NCBP2: variants seen among roughly 807,000 people sequenced by gnomAD.
The protein encoded by NCBP2 is nuclear cap-binding protein subunit 2.
In NCBP2, 8 loss-of-function variants were observed where a neutral mutation model predicts 21.5. The ratio of observed to expected loss-of-function variants is 0.37; its 90% confidence interval spans 0.22 to 0.67. The LOEUF (loss-of-function observed/expected upper bound fraction) is 0.67. Among genes scored for constraint, NCBP2 ranks in the 30% least tolerant of loss-of-function variants. NCBP2 has a pLI of 0.56. For missense variants in NCBP2, 127 were observed against 206.9 expected (o/e 0.61, Z 2.37); for synonymous variants, 92 against 75.8 (o/e 1.21, Z -1.11).
intron 1 of NCBP2, chr3:196,941,826 G>C (rs1432157579): frequency 3.1e-6 from 4 of 1,310,724 alleles, no homozygotes; most frequent in Non-Finnish European, 4.2e-6. Context: ...GCAATTCTCC[G>C]ATCTTTACAT....
At position 196,937,489 on chromosome 3, in the gene NCBP2, CCA is replaced by C. The variant is rs1438009242; in HGVS notation, c.399+19_399+20del. 4 of 1,613,270 alleles carry C rather than the reference CCA, an allele frequency of 2.5e-6. No homozygotes were observed. The African/African-American group carries it at 5.3e-5, about 22-fold the overall frequency. ...CTGGAATCCCAGGCAATGGCTGAGC[CCA>C]GAGACCCTTCTTGCATACCTGGCCC... On this transcript the variant is annotated intron_variant, in intron 3 of 3. Coordinates refer to ENST00000321256, the MANE Select transcript of NCBP2 (RefSeq NM_007362.5).
Position 196,936,616 on chromosome 3 carries a change from T to TA in NCBP2, c.*394dup. On this transcript the variant is annotated 3_prime_UTR_variant, in exon 4 of 4. Transcript: ENST00000321256. ...AGGCTATCTCATGCAAACTTAAAAT[T>TA]AAAAAAATAATCCCAGGCCCCAATG... 1 of 175,002 alleles carries TA rather than the reference T, an allele frequency of 5.7e-6. No homozygotes were observed. Among genetic ancestry groups the TA allele is most frequent in the Non-Finnish European group, 1.2e-5 (1 of 81,966 alleles). The allele number at this position is 175,002 out of a possible 1,614,324, so 10.8% of individuals were successfully genotyped here.
chr3:196,937,509 C>A lies in NCBP2; in HGVS notation c.399+1G>T, dbSNP rs1716320222. The A allele has an allele frequency of 6.2e-7, 1 of 1,613,916 alleles. No individual in the cohort carries two copies. Among genetic ancestry groups the A allele is most frequent in the Admixed American group, 1.7e-5 (1 of 60,010 alleles). ...TGAGCCCAGAGACCCTTCTTGCATA[C>A]CTGGCCCCCAGATCGCCCACGGCCG... On this transcript the variant is annotated splice_donor_variant, in intron 3 of 3. Coordinates refer to ENST00000321256, the MANE Select transcript of NCBP2 (RefSeq NM_007362.5). LOFTEE classifies it high-confidence loss of function.
rs965358768 is a variant in NCBP2, at chr3:196,937,399, G to C, written c.399+111C>G. 1.8e-5 allele frequency: 27 copies of C among 1,497,712 alleles called. 2 individuals carry two copies. The Admixed American group carries it at 2.5e-4, about 14-fold the overall frequency. The allele number at this position is 1,497,712 out of a possible 1,614,324, so 92.8% of individuals were successfully genotyped here. ...GGTTTTCAGATCCACTTCAAGCCAAGGTTATAGACACAAAGTTATTTACAA... is the reference window on the plus strand; with the variant it reads ...GGTTTTCAGATCCACTTCAAGCCAACGTTATAGACACAAAGTTATTTACAA... On this transcript the variant is annotated intron_variant, in intron 3 of 3. Transcript: ENST00000321256.
At chr3:196,942,380 C>G (rs759128107) in intron 1 of NCBP2, 46 bp downstream of exon 1, 3 of 1,596,778 alleles carry the variant, frequency 1.9e-6, no homozygotes, top group Non-Finnish European at 1.7e-6. Flanking sequence ...CGTTTCTCAG[C>G]GTTCTTGCCC....
rs773417398 is a variant in NCBP2, at chr3:196,942,492, G to C, written c.12C>G (p.Gly4=). The change falls in exon 1 of 4, where the codon GGC becomes GGG. Residue 4 remains glycine (G), a synonymous_variant. Coordinates refer to ENST00000321256, the MANE Select transcript of NCBP2 (RefSeq NM_007362.5). ...AGTCGCTGCGCAGCGCCTTCAGGAG[G>C]CCACCCGACATAGTGCAGAGAAGCG... The part of the protein sequence containing the change: MSG[G]LLKALRSDSY... 9.9e-6 allele frequency: 16 copies of C among 1,612,900 alleles called. No homozygotes were observed. The highest frequency in any genetic ancestry group is 1.3e-5 in the Non-Finnish European group (15 of 1,179,866).
chr3:196,938,562 T>C (rs1216217496), intron 2 of NCBP2: 10 of 152,170 alleles, frequency 6.6e-5, no homozygotes. Flanking sequence ...TCAAAGTAAA[T>C]AGTTTTGGTT....
At chr3:196,941,713 G>T in intron 1 of NCBP2, 1 of 447,748 alleles carries the variant, frequency 2.2e-6, no homozygotes. Flanking sequence ...CCCTACCTCC[G>T]CTGATACTGA....
Position 196,942,474 on chromosome 3 carries a change from G to A in NCBP2, c.30C>T (p.Arg10=), listed in dbSNP as rs994938987. The A allele has an allele frequency of 2.5e-6, 4 of 1,613,164 alleles. No individual in the cohort carries two copies. Among genetic ancestry groups the A allele is most frequent in the Non-Finnish European group, 3.4e-6 (4 of 1,179,950 alleles). Residue 10 remains arginine (R), a synonymous_variant, in exon 1 of 4, where the codon CGC becomes CGT. Transcript: ENST00000321256. Reference sequence around the variant, plus strand: ...GGCTCAGCTCCACGTAGGAGTCGCTGCGCAGCGCCTTCAGGAGGCCACCCG... The same window carrying A: ...GGCTCAGCTCCACGTAGGAGTCGCTACGCAGCGCCTTCAGGAGGCCACCCG... The part of the protein sequence containing the change: MSGGLLKAL[R]SDSYVELSQY...
intron 1 of NCBP2, chr3:196,941,258 A>G (rs1443551677): frequency 1.3e-5 from 2 of 152,052 alleles, no homozygotes; most frequent in African/African-American, 2.4e-5. Flanking sequence ...ACGCCCGCCT[A>G]ATTTTTGTAT....
In NCBP2 at chr3:196,940,307, G is replaced by A. The variant is rs149907388; in HGVS notation, c.79-875C>T. On this transcript the variant is annotated intron_variant, in intron 1 of 3. Transcript: ENST00000321256. ...GAATCGCTTGAACCTGGGAGGTGGA[G>A]GTTGCAGGGAGCTGAGATTGCACCA... Among the ~76,000 whole-genome samples the A allele has an allele frequency of 3.7e-3, 561 of 152,272 alleles. 9 individuals carry two copies. The highest frequency in any genetic ancestry group is 0.013 in the African/African-American group (543 of 41,552).
In NCBP2 at chr3:196,937,549, C is replaced by T. The variant is rs150046198; in HGVS notation, c.360G>A (p.Lys120=). The T allele has an allele frequency of 1.4e-4, 226 of 1,614,238 alleles. 1 individual carries two copies. Among genetic ancestry groups the T allele is most frequent in the Non-Finnish European group, 2.1e-5 (25 of 1,180,048 alleles). ...GCCCACGGCCGTATTGCCTGCCCTCCTTAAAGCCTGCGTCCCAGTCTGTGC... is the reference window on the plus strand; with the variant it reads ...GCCCACGGCCGTATTGCCTGCCCTCTTTAAAGCCTGCGTCCCAGTCTGTGC... ...IIRTDWDAGF[K]EGRQYGRGRS... Residue 120 remains lysine (K), a synonymous_variant, in exon 3 of 4, where the codon AAG becomes AAA. Coordinates refer to ENST00000321256, the MANE Select transcript of NCBP2 (RefSeq NM_007362.5).
At chr3:196,937,839 T>C in intron 2 of NCBP2, 191 bp from the exon 3 acceptor site, 1 of 619,782 alleles carries the variant, frequency 1.6e-6, no homozygotes, top group Non-Finnish European at 2.8e-6. Context: ...ATGACACGTA[T>C]CCATGGCTAC....
At chr3:196,941,878 C>T in intron 1 of NCBP2, 1 of 1,530,114 alleles carries the variant, frequency 6.5e-7, no homozygotes, top group Non-Finnish European at 8.8e-7. Context: ...GTCCACCTCC[C>T]CACTCCGAAG....
chr3:196,942,286 G>A, intron 1 of NCBP2, 140 bp downstream of exon 1: 1 of 1,508,792 alleles, frequency 6.6e-7, no homozygotes, highest in African/African-American at 1.4e-5. Context: ...CCCATTCCCT[G>A]CCTCGCCAGC....
intron 1 of NCBP2, chr3:196,942,199 G>A: frequency 2.8e-6 from 4 of 1,454,300 alleles, no homozygotes; most frequent in South Asian, 2.9e-5. Flanking sequence ...GGCTGCGAGC[G>A]AATGGGATAA....
intron 2 of NCBP2, chr3:196,938,225 C>A (rs1166654223): frequency 1.3e-5 from 2 of 152,214 alleles, no homozygotes; most frequent in African/African-American, 4.8e-5. Flanking sequence ...AAAATAAAAT[C>A]TCTTTTCATT....
intron 3 of NCBP2, 108 bp downstream of exon 3, chr3:196,937,402 T>A: frequency 6.6e-7 from 1 of 1,520,198 alleles, no homozygotes; most frequent in Admixed American, 2.0e-5. Flanking sequence ...AAGCCAAGGT[T>A]ATAGACACAA....
rs558445172 is a variant in NCBP2, at chr3:196,942,352, A to C, written c.78+74T>G. 1.4e-5 allele frequency: 22 copies of C among 1,562,704 alleles called. No individual in the cohort carries two copies. In the East Asian group the frequency reaches 3.3e-4, roughly 24 times the overall value. Reference sequence around the variant, plus strand: ...ATTTCAGCTGAATGGGAGGCGACACAATGAGACAAGAGCAAACCGTTTCTC... The same window carrying C: ...ATTTCAGCTGAATGGGAGGCGACACCATGAGACAAGAGCAAACCGTTTCTC... On this transcript the variant is annotated intron_variant, in intron 1 of 3. Coordinates refer to ENST00000321256, the MANE Select transcript of NCBP2 (RefSeq NM_007362.5).
Sources: gnomAD v4.1 joint callset for allele counts (sites outside exome capture counted in the v4.1 genomes callset) on GRCh38, gnomAD v4.1.1 for gene constraint, MANE v1.5 for transcripts, NCBI Gene and HGNC (gene_info 2026-07-23, HGNC 2026-07-21) for gene names.